The following CPE variants were observed in gnomAD, a reference collection of about 807,000 sequenced individuals.
The protein encoded by CPE is carboxypeptidase E.
In CPE, 17 loss-of-function variants were observed where a neutral mutation model predicts 53.5. The observed-to-expected ratio is 0.32, with a 90% CI of 0.22 to 0.48. CPE has a LOEUF of 0.48. Ranked by LOEUF, CPE falls within the 20% of genes least tolerant of loss-of-function variation. CPE has a pLI of 0.99. For synonymous variants in CPE, 226 were observed against 228.8 expected (o/e 0.99, Z 0.11); for missense variants, 524 against 614.7 (o/e 0.85, Z 1.56).
intron 1 of CPE, among the ~76,000 whole-genome samples, chr4:165,431,065 A>G (rs28635186): frequency 0.3 from 45,040 of 152,086 alleles, 6,748 homozygotes; most frequent in Middle Eastern, 0.39. Context: ...CCATTCCTAG[A>G]GACTTTCCAA....
intron 1 of CPE, among the ~76,000 whole-genome samples, chr4:165,429,040 T>C (rs935029277): frequency 1.3e-5 from 2 of 152,226 alleles, no homozygotes; most frequent in South Asian, 2.1e-4. Flanking sequence ...GTCACTCTCC[T>C]GTCCTGTGTT....
chr4:165,485,170 G>A lies in CPE; in HGVS notation c.973+566G>A, dbSNP rs150853366. Among the ~76,000 whole-genome samples the A allele has an allele frequency of 5.8e-3, 879 of 152,312 alleles. 7 individuals are homozygous for A. The highest frequency in any genetic ancestry group is 0.02 in the African/African-American group (843 of 41,566). ...TTGCCATGTGGGACAGCAGCTGGGG[G>A]AAGCCCCTTCCTAGGTAGCCAAGGA... On this transcript the variant is annotated intron_variant, in intron 5 of 8. Transcript: ENST00000402744.
intron 1 of CPE, among the ~76,000 whole-genome samples, chr4:165,413,311 T>C (rs1731069802): frequency 6.6e-6 from 1 of 152,154 alleles, no homozygotes. Flanking sequence ...TGATGCTGGG[T>C]CCAAAGTGAA....
chr4:165,456,676 C>T (rs1298009525), intron 1 of CPE, among the ~76,000 whole-genome samples: 1 of 151,430 alleles, frequency 6.6e-6, no homozygotes. Flanking sequence ...AAGCGATTCT[C>T]CTGCCTCAGC....
intron 1 of CPE, among the ~76,000 whole-genome samples, chr4:165,446,805 T>C (rs1393964306): frequency 6.6e-6 from 1 of 152,176 alleles, no homozygotes; most frequent in Non-Finnish European, 1.5e-5. Flanking sequence ...TCTCCTCAAA[T>C]CAACAACACT....
intron 1 of CPE, among the ~76,000 whole-genome samples, chr4:165,447,048 T>C (rs1731728654): frequency 6.6e-6 from 1 of 152,228 alleles, no homozygotes; most frequent in South Asian, 2.1e-4. Context: ...AACACTGTCA[T>C]ACATTGGTAA....
chr4:165,401,577 C>T (rs563054936), intron 1 of CPE, among the ~76,000 whole-genome samples: 20 of 152,328 alleles, frequency 1.3e-4, no homozygotes, highest in African/African-American at 3.6e-4. Flanking sequence ...ATGTGCTGAG[C>T]ACAGTTAATG....
rs369591581 is a variant in CPE, at chr4:165,456,796, T to C, written c.308-7594T>C. ...TCACTCTGTCGCCCAGGCTGGAGTA[T>C]AGTGGCACGATCTTGGCTCACTGCA... On this transcript the variant is annotated intron_variant, in intron 1 of 8. Transcript: ENST00000402744. 3.4e-5 allele frequency among the ~76,000 whole-genome samples: 5 copies of C among 146,060 alleles called. No homozygotes were observed. The East Asian group carries it at 8.2e-4, about 24-fold the overall frequency.
At chr4:165,413,740 A>G (rs1193926215) in intron 1 of CPE, among the ~76,000 whole-genome samples, 2 of 152,218 alleles carry the variant, frequency 1.3e-5, no homozygotes, top group Non-Finnish European at 2.9e-5. Context: ...GGGACAACCA[A>G]CACAGCTCAA....
chr4:165,434,178 A>G (rs1731457709), intron 1 of CPE, among the ~76,000 whole-genome samples: 1 of 152,020 alleles, frequency 6.6e-6, no homozygotes, highest in South Asian at 2.1e-4. Flanking sequence ...ACTGTCTAGC[A>G]TTTAGCTCCT....
chr4:165,438,056 G>T (rs1198084141), intron 1 of CPE, among the ~76,000 whole-genome samples: 3 of 152,140 alleles, frequency 2.0e-5, no homozygotes, highest in East Asian at 1.9e-4. Context: ...TATCCTGTGA[G>T]AATTAAGGAG....
At chr4:165,392,562 G>T (rs1178345274) in intron 1 of CPE, among the ~76,000 whole-genome samples, 1 of 142,572 alleles carries the variant, frequency 7.0e-6, no homozygotes. Flanking sequence ...TTATAATGGA[G>T]CTTATACTTA....
intron 3 of CPE, 115 bp downstream of exon 3, chr4:165,467,970 T>A: frequency 8.5e-7 from 1 of 1,177,526 alleles, no homozygotes; most frequent in Non-Finnish European, 1.2e-6. Context: ...ATGGGGTGGT[T>A]AACTGTGGCT....
chr4:165,494,200 C>T (rs779377042), intron 7 of CPE, among the ~76,000 whole-genome samples: 2 of 152,216 alleles, frequency 1.3e-5, no homozygotes, highest in Admixed American at 1.3e-4. Flanking sequence ...CATGTAGCCC[C>T]TTAGCCCTTA....
At chr4:165,399,662 G>A (rs4690815) in intron 1 of CPE, among the ~76,000 whole-genome samples, 27,148 of 152,078 alleles carry the variant, frequency 0.18, 2,584 homozygotes, top group African/African-American at 0.23. Flanking sequence ...GTGAGCCACC[G>A]TGCCTGGCCA....
At chr4:165,405,326 T>G in intron 1 of CPE, 1 of 1,412,924 alleles carries the variant, frequency 7.1e-7, no homozygotes, top group South Asian at 1.2e-5. Flanking sequence ...GCACAGGACC[T>G]GACCATGGTA....
chr4:165,491,021 G>A (rs1304649142), intron 6 of CPE, among the ~76,000 whole-genome samples: 1 of 152,142 alleles, frequency 6.6e-6, no homozygotes, highest in Non-Finnish European at 1.5e-5. Context: ...GAATTCATGG[G>A]GGAGTTGACA....
chr4:165,461,871 T>C (rs1415486170), intron 1 of CPE, among the ~76,000 whole-genome samples: 2 of 152,244 alleles, frequency 1.3e-5, no homozygotes, highest in African/African-American at 2.4e-5. Flanking sequence ...GATAACATTA[T>C]ATAGTGATCT....
rs1039043392 is a variant in CPE at position 165,379,867 on chromosome 4, A to G, written c.307+339A>G. The stretch of plus-strand genomic sequence containing the variant: ...ATACAGAAAAAACAAATCCTGACGC[A>G]CGCAACCCCAGCGGTCGCTCTCACT... On this transcript the variant is annotated intron_variant, in intron 1 of 8. Coordinates refer to ENST00000402744, the MANE Select transcript of CPE (RefSeq NM_001873.4). This position sits in a 1 kb window ranked among gnomAD's most constrained non-coding sequence, Gnocchi z 6.0. Among the ~76,000 whole-genome samples the G allele has an allele frequency of 1.3e-5, 2 of 152,166 alleles. No homozygotes were observed. Among genetic ancestry groups the G allele is most frequent in the African/African-American group, 2.4e-5 (1 of 41,422 alleles).
Sources: allele counts gnomAD v4.1 joint callset (sites outside exome capture counted in the v4.1 genomes callset), GRCh38; gene constraint gnomAD v4.1.1; non-coding constraint Gnocchi (gnomAD v3.1); transcripts MANE v1.5; gene names NCBI Gene and HGNC (gene_info 2026-07-23, HGNC 2026-07-21).